The following GBE1 variants were observed in gnomAD, a reference collection of about 807,000 sequenced individuals.
The protein encoded by GBE1 is 1,4-alpha-glucan-branching enzyme.
Under a neutral mutation model 88.8 loss-of-function variants are expected in GBE1, and 70 were observed. The ratio of observed to expected loss-of-function variants is 0.79; its 90% CI spans 0.65 to 0.96. The LOEUF is 0.96. Ranked by LOEUF, GBE1 falls within the 40% of genes least tolerant of loss-of-function variation. The pLI, the probability that GBE1 is intolerant of heterozygous loss-of-function variation, is 0.00. For synonymous variants in GBE1, 284 were observed against 300.1 expected (o/e 0.95, Z 0.56); for missense variants, 872 against 871.0 (o/e 1.00, Z -0.01).
intron 7 of GBE1, among the ~76,000 whole-genome samples, chr3:81,634,230 G>A (rs912894520): frequency 3.9e-5 from 6 of 152,160 alleles, no homozygotes; most frequent in African/African-American, 1.4e-4. Context: ...TATTCTAGTT[G>A]TTGCACATTT....
At chr3:81,540,123 G>T (rs1359580806) in intron 12 of GBE1, among the ~76,000 whole-genome samples, 1 of 151,920 alleles carries the variant, frequency 6.6e-6, no homozygotes, top group African/African-American at 2.4e-5. Flanking sequence ...GTGGTCAGTA[G>T]CATTAAATGC....
intron 1 of GBE1, among the ~76,000 whole-genome samples, chr3:81,722,809 C>T (rs1276162659): frequency 6.6e-6 from 1 of 150,730 alleles, no homozygotes; most frequent in Admixed American, 6.6e-5. Context: ...GTTTTCCCAC[C>T]CCCTTTAACC....
chr3:81,643,961 G>A (rs1272398281), intron 6 of GBE1, among the ~76,000 whole-genome samples: 3 of 151,962 alleles, frequency 2.0e-5, no homozygotes, highest in Non-Finnish European at 4.4e-5. Flanking sequence ...ATTATCTTAT[G>A]ACACTCTCCC....
intron 2 of GBE1, among the ~76,000 whole-genome samples, chr3:81,697,015 A>G (rs1017034794): frequency 6.6e-6 from 1 of 152,046 alleles, no homozygotes; most frequent in Non-Finnish European, 1.5e-5. Context: ...CTCCAATTCA[A>G]TCCTGACACA....
At chr3:81,749,732 T>C (rs1382159291) in intron 1 of GBE1, among the ~76,000 whole-genome samples, 2 of 152,194 alleles carry the variant, frequency 1.3e-5, no homozygotes, top group Non-Finnish European at 2.9e-5. Context: ...TAGTGAAGGG[T>C]AGAGGAGCCT....
chr3:81,761,404 C>G lies in GBE1; in HGVS notation c.114G>C (p.Leu38Phe), dbSNP rs932010631. 3.1e-6 allele frequency: 5 copies of G among 1,613,130 alleles called. No individual in the cohort carries two copies. The South Asian group carries it at 5.5e-5, about 18-fold the overall frequency. Residue 38 changes from leucine to phenylalanine, a missense_variant, in exon 1 of 16, where the codon TTG (leucine) becomes TTC (phenylalanine). Physicochemically the swap from Leu to Phe is conservative, Grantham distance 22 (BLOSUM62 0). Coordinates refer to ENST00000429644, the MANE Select transcript of GBE1 (RefSeq NM_000158.4). ...LARLLEIDPY[L>F]KPYAVDFQRR... is the part of the protein sequence containing the mutation. The stretch of plus-strand genomic sequence containing the variant: ...GCTGGAAGTCCACGGCGTAGGGCTT[C>G]AAGTACGGGTCGATCTCCAGGAGTC...
chr3:81,689,128 T>A (rs1306718215), intron 2 of GBE1, among the ~76,000 whole-genome samples: 1 of 152,196 alleles, frequency 6.6e-6, no homozygotes, highest in Non-Finnish European at 1.5e-5. Context: ...CCAAGAAAAT[T>A]GAATCACTTT....
At chr3:81,556,371 G>T (rs1204715251) in intron 12 of GBE1, among the ~76,000 whole-genome samples, 1 of 151,426 alleles carries the variant, frequency 6.6e-6, no homozygotes. Context: ...ATTAAAATAA[G>T]AATCCAGAAT....
chr3:81,602,944 T>A (rs1470879615), intron 7 of GBE1, among the ~76,000 whole-genome samples: 1 of 152,164 alleles, frequency 6.6e-6, no homozygotes, highest in Non-Finnish European at 1.5e-5. Flanking sequence ...TTTTCTTGGC[T>A]GACTCATGCC....
intron 10 of GBE1, among the ~76,000 whole-genome samples, chr3:81,584,266 C>G (rs540904744): frequency 5.9e-5 from 9 of 152,048 alleles, no homozygotes; most frequent in African/African-American, 2.2e-4. Context: ...TTTTGAACAA[C>G]AAAAACATGA....
At chr3:81,566,326 G>C (rs1703495159) in intron 12 of GBE1, among the ~76,000 whole-genome samples, 1 of 152,178 alleles carries the variant, frequency 6.6e-6, no homozygotes, top group Non-Finnish European at 1.5e-5. Context: ...ATTTGTCATA[G>C]ACATCAGTGG....
intron 3 of GBE1, among the ~76,000 whole-genome samples, chr3:81,660,506 G>A (rs116662511): frequency 0.028 from 4,301 of 152,152 alleles, 220 homozygotes; most frequent in African/African-American, 0.094. Context: ...AGTCAATAAA[G>A]CACAGGTCTG....
intron 14 of GBE1, among the ~76,000 whole-genome samples, chr3:81,510,892 T>C (rs1298689697): frequency 6.6e-6 from 1 of 151,928 alleles, no homozygotes; most frequent in Non-Finnish European, 1.5e-5. Flanking sequence ...TGCTGAGAGC[T>C]GACCGTAAGC....
intron 12 of GBE1, among the ~76,000 whole-genome samples, chr3:81,572,071 T>C (rs928252267): frequency 6.6e-6 from 1 of 152,176 alleles, no homozygotes; most frequent in African/African-American, 2.4e-5. Context: ...CCCCATGCTG[T>C]TCTTGTGATA....
At chr3:81,628,442 C>G (rs143475556) in intron 7 of GBE1, among the ~76,000 whole-genome samples, 29 of 152,106 alleles carry the variant, frequency 1.9e-4, no homozygotes, top group African/African-American at 7.0e-4. Context: ...TCTGGGAAAT[C>G]TGAAAACTGA....
At chr3:81,583,702 A>G (rs1159563459) in intron 10 of GBE1, among the ~76,000 whole-genome samples, 4 of 152,154 alleles carry the variant, frequency 2.6e-5, no homozygotes, top group African/African-American at 7.2e-5. Context: ...ACGAAATTAT[A>G]GGAATGGAGA....
rs1411695091 is a variant in GBE1 at position 81,721,243 on chromosome 3, G to GA, written c.144-15631dup. On this transcript the variant is annotated intron_variant, in intron 1 of 15. Transcript: ENST00000429644. Reference sequence around the variant, plus strand: ...AATAAATAAATAAATAAAAACACATGAAAAAAAAAAAAAAGAAAGAAAACC... The same window carrying GA: ...AATAAATAAATAAATAAAAACACATGAAAAAAAAAAAAAAAGAAAGAAAACC... Among the ~76,000 whole-genome samples, 190 of 58,070 alleles carry GA rather than the reference G, an allele frequency of 3.3e-3. 4 individuals are homozygous for GA. The highest frequency in any genetic ancestry group is 0.017 in the African/African-American group (154 of 9,082). The allele number at this position is 58,070 out of a possible 152,430, so 38.1% of individuals were successfully genotyped here.
chr3:81,624,541 T>A (rs1704376621), intron 7 of GBE1, among the ~76,000 whole-genome samples: 1 of 152,182 alleles, frequency 6.6e-6, no homozygotes, highest in African/African-American at 2.4e-5. Flanking sequence ...TCTTGCCCTA[T>A]TGTCTATAAA....
chr3:81,533,925 A>C (rs1362846645), intron 14 of GBE1, among the ~76,000 whole-genome samples: 1 of 152,060 alleles, frequency 6.6e-6, no homozygotes, highest in Non-Finnish European at 1.5e-5. Flanking sequence ...TGAAAGCAAA[A>C]AGAATGAACT....
Sources: gnomAD v4.1 joint callset for allele counts (sites outside exome capture counted in the v4.1 genomes callset) on GRCh38, gnomAD v4.1.1 for gene constraint, MANE v1.5 for transcripts, NCBI Gene and HGNC (gene_info 2026-07-23, HGNC 2026-07-21) for gene names.